TTLL11: variants seen among roughly 807,000 people sequenced by gnomAD.
TTLL11 encodes the protein tubulin tyrosine ligase like 11, also known as tubulin polyglutamylase TTLL11.
A neutral mutation model predicts 51.7 loss-of-function variants in TTLL11; 42 were observed. The observed-to-expected ratio is 0.81, with a 90% CI of 0.64 to 1.05. The LOEUF (loss-of-function observed/expected upper bound fraction) is 1.05. Among genes scored for constraint, TTLL11 ranks in the 50% least tolerant of loss-of-function variants. TTLL11 has a pLI of 0.00. For missense variants in TTLL11, 799 were observed against 940.4 expected (o/e 0.85, Z 1.97); for synonymous variants, 381 against 383.5 (o/e 0.99, Z 0.08).
At chr9:121,939,047 G>A (rs562706544) in intron 6 of TTLL11, among the ~76,000 whole-genome samples, 2 of 152,274 alleles carry the variant, frequency 1.3e-5, no homozygotes, top group East Asian at 3.9e-4. Flanking sequence ...GACCGCAGAG[G>A]AACTCACACA....
At chr9:122,031,274 CACTGAAAAGGT>C (rs1037733369) in intron 3 of TTLL11, among the ~76,000 whole-genome samples, 2 of 152,214 alleles carry the variant, frequency 1.3e-5, no homozygotes, top group African/African-American at 4.8e-5. Flanking sequence ...TAAAGCAAAA[CACTGAAAAGGT>C]TCCCCATGAG....
chr9:122,004,729 G>A (rs1843587122), intron 3 of TTLL11, among the ~76,000 whole-genome samples: 1 of 152,222 alleles, frequency 6.6e-6, no homozygotes, highest in African/African-American at 2.4e-5. Context: ...TGTCACCGTG[G>A]ATGGAATCAA....
At chr9:121,965,190 G>C (rs980749283) in intron 6 of TTLL11, among the ~76,000 whole-genome samples, 1 of 152,170 alleles carries the variant, frequency 6.6e-6, no homozygotes, top group Non-Finnish European at 1.5e-5. Flanking sequence ...TGCAGGGTCA[G>C]GGTTCCTGAT....
rs183215207 is a variant in TTLL11 at position 121,983,459 on chromosome 9, C to T, written c.1269+5736G>A. ...GGTGCTTAAGGCCATGGGGGCTACG[C>T]GGGATCATTTAGGAGTGATTGTGAA... On this transcript the variant is annotated intron_variant, in intron 4 of 8. Coordinates refer to ENST00000321582, the MANE Select transcript of TTLL11 (RefSeq NM_001139442.2). Among the ~76,000 whole-genome samples the T allele has an allele frequency of 2.0e-4, 30 of 152,264 alleles. 1 individual carries two copies. Among genetic ancestry groups the T allele is most frequent in the Middle Eastern group, 3.4e-3 (1 of 294 alleles).
intron 3 of TTLL11, among the ~76,000 whole-genome samples, chr9:122,023,839 A>G (rs1844249982): frequency 6.6e-6 from 1 of 152,082 alleles, no homozygotes; most frequent in Non-Finnish European, 1.5e-5. Flanking sequence ...CAAGAAACCT[A>G]CAACTAACAA....
chr9:121,866,108 G>A (rs912016645), intron 7 of TTLL11, among the ~76,000 whole-genome samples: 1 of 152,170 alleles, frequency 6.6e-6, no homozygotes, highest in Non-Finnish European at 1.5e-5. Context: ...TGTATATCTC[G>A]CCAGTGAATA....
At chr9:121,838,781 A>AAGAAAGC (rs1837259775) in intron 8 of TTLL11, among the ~76,000 whole-genome samples, 11 of 139,896 alleles carry the variant, frequency 7.9e-5, no homozygotes, top group African/African-American at 2.8e-4. Flanking sequence ...AGCAAGCAAG[A>AAGAAAGC]AAGCAAGCAA....
intron 3 of TTLL11, among the ~76,000 whole-genome samples, chr9:122,001,284 C>T (rs769305837): frequency 2.0e-5 from 3 of 152,014 alleles, no homozygotes; most frequent in Non-Finnish European, 4.4e-5. Flanking sequence ...TTAGTAGAGA[C>T]GGGGTTTCCC....
rs947693915 is a variant in TTLL11 at position 122,093,288 on chromosome 9, C to T, written c.-140G>A. 1 of 1,572,446 alleles carries T rather than the reference C, an allele frequency of 6.4e-7. No individual in the cohort carries two copies. Among genetic ancestry groups the T allele is most frequent in the Non-Finnish European group, 8.6e-7 (1 of 1,168,382 alleles). On this transcript the variant is annotated 5_prime_UTR_variant, in exon 1 of 9. Coordinates refer to ENST00000321582, the MANE Select transcript of TTLL11 (RefSeq NM_001139442.2). Reference sequence around the variant, plus strand: ...GAGCCCGTTGCCATGATCGCTCAGGCTCGGGTTGACAGCGGCAGTCACCGC... The same window carrying T: ...GAGCCCGTTGCCATGATCGCTCAGGTTCGGGTTGACAGCGGCAGTCACCGC...
In TTLL11 at chr9:122,003,008, T is replaced by C. The variant is rs368578188; in HGVS notation, c.694-13238A>G. 4.7e-5 allele frequency among the ~76,000 whole-genome samples: 7 copies of C among 148,464 alleles called. No homozygotes were observed. In the East Asian group the frequency reaches 1.2e-3, roughly 25 times the overall value. ...AGCCTCCCTGCCAACCCACCGGACA[T>C]TGGAAAGTCCACCCAGCTTAGGAAA... On this transcript the variant is annotated intron_variant, in intron 3 of 8. Transcript: ENST00000321582.
chr9:121,934,344 T>C (rs1385875454), intron 6 of TTLL11, among the ~76,000 whole-genome samples: 1 of 152,184 alleles, frequency 6.6e-6, no homozygotes, highest in East Asian at 1.9e-4. Flanking sequence ...ACTTGGAAAA[T>C]ACTGATTTAT....
intron 7 of TTLL11, among the ~76,000 whole-genome samples, chr9:121,861,627 G>A (rs1838015663): frequency 6.6e-6 from 1 of 152,176 alleles, no homozygotes; most frequent in Non-Finnish European, 1.5e-5. Context: ...TTAGTCTCCA[G>A]AAGGAGGAGG....
At chr9:121,973,704 T>A (rs1842630800) in intron 6 of TTLL11, among the ~76,000 whole-genome samples, 1 of 152,050 alleles carries the variant, frequency 6.6e-6, no homozygotes, top group Non-Finnish European at 1.5e-5. Context: ...GTAACAAACC[T>A]GCACGTTGTG....
intron 1 of TTLL11, among the ~76,000 whole-genome samples, chr9:122,067,524 A>G (rs1156634995): frequency 6.6e-6 from 1 of 152,152 alleles, no homozygotes; most frequent in Non-Finnish European, 1.5e-5. Flanking sequence ...AAGATTTTTT[A>G]TTTATTAATT....
intron 8 of TTLL11, among the ~76,000 whole-genome samples, chr9:121,847,087 A>G (rs4636274): frequency 0.66 from 100,227 of 151,142 alleles, 33,516 homozygotes; most frequent in East Asian, 0.76. Context: ...GCTGGCGCCT[A>G]TAGTCCCAGC....
intron 1 of TTLL11, among the ~76,000 whole-genome samples, chr9:122,051,630 TTCTC>T (rs1372920664): frequency 6.6e-5 from 10 of 152,062 alleles, no homozygotes; most frequent in South Asian, 2.1e-4. Flanking sequence ...CTCTCTCTCT[TTCTC>T]TCTCTCTGTG....
Position 122,009,864 on chromosome 9 carries a change from T to C in TTLL11, c.694-20094A>G, listed in dbSNP as rs914331664. ...TCTAAATCCAGTCCATGAAGGCTGATCTATTTTCTTCTTTGCTATCTCTAG... is the reference window on the plus strand; with the variant it reads ...TCTAAATCCAGTCCATGAAGGCTGACCTATTTTCTTCTTTGCTATCTCTAG... On this transcript the variant is annotated intron_variant, in intron 3 of 8. Coordinates refer to ENST00000321582, the MANE Select transcript of TTLL11 (RefSeq NM_001139442.2). Among the ~76,000 whole-genome samples, 4 of 152,166 alleles carry C rather than the reference T, an allele frequency of 2.6e-5. No homozygotes were observed. The South Asian group carries it at 6.2e-4, about 24-fold the overall frequency.
At chr9:121,990,806 C>T (rs941872230) in intron 3 of TTLL11, among the ~76,000 whole-genome samples, 1 of 152,170 alleles carries the variant, frequency 6.6e-6, no homozygotes, top group Non-Finnish European at 1.5e-5. Flanking sequence ...ATTTGCTCTC[C>T]TCCCAGCTCC....
intron 6 of TTLL11, among the ~76,000 whole-genome samples, chr9:121,895,415 TGA>T (rs749936963): frequency 1.3e-5 from 2 of 151,846 alleles, no homozygotes; most frequent in South Asian, 2.1e-4. Flanking sequence ...TGTGTGTGCA[TGA>T]GTGTGCGCTG....
Sources: gnomAD v4.1 joint callset for allele counts (sites outside exome capture counted in the v4.1 genomes callset) on GRCh38, gnomAD v4.1.1 for gene constraint, MANE v1.5 for transcripts, NCBI Gene and HGNC (gene_info 2026-07-23, HGNC 2026-07-21) for gene names.